The following URB2 variants were observed in gnomAD, a reference collection of about 807,000 sequenced individuals.
The protein encoded by URB2 is URB2 ribosome biogenesis homolog.
In URB2, 86 loss-of-function variants were observed where a neutral mutation model predicts 120.9. The observed-to-expected ratio is 0.71, with a 90% CI of 0.60 to 0.85. URB2 has a LOEUF of 0.85. Ranked by LOEUF, URB2 falls within the 40% of genes least tolerant of loss-of-function variation. URB2 has a pLI of 0.00. For synonymous variants in URB2, 755 were observed against 758.4 expected, an observed-to-expected ratio of 1.00 and a Z score of 0.07; for missense variants, 1,765 against 1,836.5, an observed-to-expected ratio of 0.96 and a Z score of 0.71.
intron 7 of URB2, among the ~76,000 whole-genome samples, chr1:229,650,374 G>A (rs555892627): frequency 6.6e-6 from 1 of 152,116 alleles, no homozygotes; most frequent in Non-Finnish European, 1.5e-5. Context: ...GTGTGTGGTT[G>A]TGATTCAGAC....
Position 229,647,558 on chromosome 1 carries a change from G to T in URB2, c.3955G>T (p.Val1319Phe), listed in dbSNP as rs755344705. ...GGAGCAGCCTGTGTCCCTCACAGTG[G>T]TCGGGCCTGTCTTAGATGTCCTGGC... ...SQEQPVSLTVVGPVLDVLAAL... is the reference protein window; with the variant it reads ...SQEQPVSLTVFGPVLDVLAAL... Residue 1319 changes from valine to phenylalanine, a missense_variant, in exon 7 of 10, where the codon GTC becomes TTC. By Grantham distance (50) the Val-to-Phe change is conservative (BLOSUM62 -1). Coordinates refer to ENST00000258243, the MANE Select transcript of URB2 (RefSeq NM_014777.4). 2.5e-6 allele frequency: 4 copies of T among 1,614,168 alleles called. No individual in the cohort carries two copies. In the South Asian group the frequency reaches 4.4e-5, roughly 18 times the overall value.
chr1:229,635,408 T>A lies in URB2; in HGVS notation c.795T>A (p.Asp265Glu). ...KEGLLDQQQG[D>E]VKTGAMKNLL... ...GGCTCTTGGACCAGCAGCAAGGGGA[T>A]GTGAAGACGGGAGCCATGAAGAACC... Residue 265 changes from aspartate to glutamate, a missense_variant, in exon 4 of 10, where the codon GAT (aspartate) becomes GAA (glutamate). Transcript: ENST00000258243. The A allele has an allele frequency of 6.2e-7, 1 of 1,614,032 alleles. No homozygotes were observed. Among genetic ancestry groups the A allele is most frequent in the Non-Finnish European group, 8.5e-7 (1 of 1,179,972 alleles).
intron 4 of URB2, among the ~76,000 whole-genome samples, chr1:229,642,345 G>A (rs796373085): frequency 2.1e-4 from 32 of 152,304 alleles, no homozygotes; most frequent in African/African-American, 6.5e-4. Flanking sequence ...CTTCACTGAT[G>A]AGGGAGTTGA....
rs1665808102 is a variant in URB2 at position 229,636,170 on chromosome 1, G to T, written c.1557G>T (p.Glu519Asp). The T allele has an allele frequency of 4.3e-6, 7 of 1,614,240 alleles. No individual in the cohort carries two copies. The highest frequency in any genetic ancestry group is 5.9e-6 in the Non-Finnish European group (7 of 1,180,032). Residue 519 changes from glutamate to aspartate, a missense_variant, in exon 4 of 10, where the codon GAG becomes GAT. By Grantham distance (45) the Glu-to-Asp change is conservative. Coordinates refer to ENST00000258243, the MANE Select transcript of URB2 (RefSeq NM_014777.4). ...QILDTWSLVLEKFQSLVLPYL... is the reference protein window; with the variant it reads ...QILDTWSLVLDKFQSLVLPYL... ...TGGACACGTGGTCCCTTGTGCTGGAGAAGTTCCAGTCTTTAGTCTTGCCCT... is the reference window on the plus strand; with the variant it reads ...TGGACACGTGGTCCCTTGTGCTGGATAAGTTCCAGTCTTTAGTCTTGCCCT...
At chr1:229,653,288 A>C (rs542719389) in intron 8 of URB2, among the ~76,000 whole-genome samples, 1 of 152,300 alleles carries the variant, frequency 6.6e-6, no homozygotes, top group East Asian at 1.9e-4. Context: ...TAAAAATCAA[A>C]TTTATTGAGT....
At chr1:229,628,124 TA>T (rs1249160795) in intron 2 of URB2, among the ~76,000 whole-genome samples, 1 of 127,028 alleles carries the variant, frequency 7.9e-6, no homozygotes, top group Non-Finnish European at 1.6e-5. Flanking sequence ...TATATGTATA[TA>T]TACATATATA....
intron 2 of URB2, 99 bp from the exon 3 acceptor site, chr1:229,632,170 G>A (rs552886804): frequency 2.4e-5 from 26 of 1,091,078 alleles, no homozygotes; most frequent in Admixed American, 6.3e-5. Flanking sequence ...CGCCCCCGTG[G>A]CAATTGGATT....
rs773712632 is a variant in URB2, at chr1:229,637,085, T to C, written c.2472T>C (p.Cys824=). ...CVTTSCSSIL[C]SGAQRDSGLV... Reference sequence around the variant, plus strand: ...CCACAAGTTGCTCCAGCATTCTGTGTTCTGGTGCCCAGCGTGACTCAGGTC... The same window carrying C: ...CCACAAGTTGCTCCAGCATTCTGTGCTCTGGTGCCCAGCGTGACTCAGGTC... The change falls in exon 4 of 10, where the codon TGT becomes TGC. Residue 824 remains cysteine (C), a synonymous_variant. Coordinates refer to ENST00000258243, the MANE Select transcript of URB2 (RefSeq NM_014777.4). 2.5e-6 allele frequency: 4 copies of C among 1,613,904 alleles called. No individual in the cohort carries two copies. The South Asian group carries it at 3.3e-5, about 13-fold the overall frequency.
At chr1:229,653,003 G>A (rs1666317791) in intron 8 of URB2, among the ~76,000 whole-genome samples, 1 of 152,184 alleles carries the variant, frequency 6.6e-6, no homozygotes, top group African/African-American at 2.4e-5. Flanking sequence ...TATCTAATAT[G>A]CTCTTTCTAA....
At position 229,636,541 on chromosome 1, in the gene URB2, A is replaced by G. The variant is rs1665831499; in HGVS notation, c.1928A>G (p.Asn643Ser). Residue 643 changes from asparagine (N) to serine (S), a missense_variant, in exon 4 of 10, where the codon AAC (asparagine) becomes AGC (serine). By Grantham distance (46) the Asn-to-Ser change is conservative. Coordinates refer to ENST00000258243, the MANE Select transcript of URB2 (RefSeq NM_014777.4). ...ATAGGTGTTGCTCTGGAGATCTCGAACCTCCCTTCGTTGCTCCCAGGTGTA... is the reference window on the plus strand; with the variant it reads ...ATAGGTGTTGCTCTGGAGATCTCGAGCCTCCCTTCGTTGCTCCCAGGTGTA... Reference protein sequence around the residue: ...PLIGVALEISNLPSLLPGVKT... With the variant: ...PLIGVALEISSLPSLLPGVKT... 6.2e-7 allele frequency: 1 copy of G among 1,613,986 alleles called. No homozygotes were observed. The highest frequency in any genetic ancestry group is 1.1e-5 in the South Asian group (1 of 91,072).
chr1:229,643,506 A>T (rs1437677558), intron 4 of URB2, 27 bp from the exon 5 acceptor site: 1 of 1,613,582 alleles, frequency 6.2e-7, no homozygotes, highest in South Asian at 1.1e-5. Context: ...GTCACATCTT[A>T]ACAATTTTGG....
intron 1 of URB2, 51 bp from the exon 2 acceptor site, chr1:229,627,570 T>C (rs1665538134): frequency 6.4e-7 from 1 of 1,566,870 alleles, no homozygotes; most frequent in African/African-American, 1.4e-5. Context: ...TGGTGCCTGC[T>C]CAGTCTGACA....
intron 9 of URB2, among the ~76,000 whole-genome samples, chr1:229,658,000 G>C (rs1228964214): frequency 6.6e-6 from 1 of 152,070 alleles, no homozygotes; most frequent in Non-Finnish European, 1.5e-5. Flanking sequence ...CTCTACCACT[G>C]CTTTGGTTTT....
intron 4 of URB2, among the ~76,000 whole-genome samples, chr1:229,640,078 A>C (rs950643776): frequency 6.6e-6 from 1 of 152,250 alleles, no homozygotes; most frequent in Non-Finnish European, 1.5e-5. Flanking sequence ...AAACCCATCC[A>C]AAAATTAAAA....
At chr1:229,633,723 T>C (rs1665725286) in intron 3 of URB2, among the ~76,000 whole-genome samples, 1 of 152,246 alleles carries the variant, frequency 6.6e-6, no homozygotes, top group African/African-American at 2.4e-5. Context: ...GACTGAATTA[T>C]AGAATCTGCC....
chr1:229,652,772 G>T (rs2102799050), intron 8 of URB2, among the ~76,000 whole-genome samples: 1 of 152,338 alleles, frequency 6.6e-6, no homozygotes, highest in East Asian at 1.9e-4. Flanking sequence ...GGAAGGCCGG[G>T]GCCTTGCTCA....
chr1:229,645,241 T>C (rs1465553660), intron 5 of URB2, among the ~76,000 whole-genome samples: 1 of 150,014 alleles, frequency 6.7e-6, no homozygotes, highest in African/African-American at 2.5e-5. Context: ...GCAGAGATCA[T>C]GCCATTGCAC....
At position 229,651,254 on chromosome 1, in the gene URB2, CTTCT is replaced by C; in HGVS notation, c.4175_4178del (p.Phe1392Ter). The C allele has an allele frequency of 1.2e-6, 2 of 1,610,164 alleles. No individual in the cohort carries two copies. The highest frequency in any genetic ancestry group is 1.1e-5 in the South Asian group (1 of 90,158). On this transcript the variant is annotated frameshift_variant, in exon 8 of 10. Transcript: ENST00000258243. LOFTEE classifies it high-confidence loss of function. Reference sequence around the variant, plus strand: ...TTACAGGTAATGCTGAAAGCCATCCCTTCTTTCTTGAACTCTTTCAATAGATTGG... The same window carrying C: ...TTACAGGTAATGCTGAAAGCCATCCCTTCTTGAACTCTTTCAATAGATTGG...
chr1:229,639,420 C>T (rs1041993888), intron 4 of URB2, among the ~76,000 whole-genome samples: 19 of 151,610 alleles, frequency 1.3e-4, no homozygotes, highest in South Asian at 4.2e-4. Context: ...CTGCAAGCTC[C>T]GCTTCCCGGG....
Sources: gnomAD v4.1 joint callset for allele counts (sites outside exome capture counted in the v4.1 genomes callset) on GRCh38, gnomAD v4.1.1 for gene constraint, MANE v1.5 for transcripts, NCBI Gene and HGNC (gene_info 2026-07-23, HGNC 2026-07-21) for gene names.